The following FYB2 variants were observed in gnomAD, a reference collection of about 807,000 sequenced individuals.
FYB2 encodes the protein FYN binding protein 2.
In FYB2, 103 loss-of-function variants were observed where a neutral mutation model predicts 94.1. That is an observed-to-expected ratio of 1.09 (90% confidence interval 0.93 to 1.29). The LOEUF is 1.29. FYB2 is among the 50% of genes most tolerant of loss of function. The pLI, the probability that FYB2 is intolerant of heterozygous loss-of-function variation, is 0.00. For missense variants in FYB2, 896 were observed against 841.5 expected (o/e 1.06, Z -0.80); for synonymous variants, 293 against 287.9 (o/e 1.02, Z -0.18).
upstream of FYB2, chr1:56,819,572 T>C: frequency 7.1e-6 from 4 of 563,554 alleles, no homozygotes; most frequent in Middle Eastern, 9.5e-4. Flanking sequence ...GCCCACCTCT[T>C]CTCAGCAAGC....
At chr1:56,803,842 CTGTCCAAATTTTACTCA>C (rs1646576324) in intron 1 of FYB2, among the ~76,000 whole-genome samples, 1 of 152,212 alleles carries the variant, frequency 6.6e-6, no homozygotes, top group African/African-American at 2.4e-5. Flanking sequence ...ACGAAATCTA[CTGTCCAAATTTTACTCA>C]TTCTTCTAGG....
intron 17 of FYB2, 138 bp downstream of exon 17, chr1:56,723,450 G>T: frequency 1.9e-6 from 1 of 513,754 alleles, no homozygotes; most frequent in Non-Finnish European, 3.4e-6. Context: ...AAATAGGAAT[G>T]AAATGCTGGC....
chr1:56,737,080 T>A lies in FYB2; in HGVS notation c.1793+7A>T. On this transcript the variant is annotated splice_region_variant and intron_variant, in intron 15 of 19. Transcript: ENST00000343433. The stretch of plus-strand genomic sequence containing the variant: ...AGCAGGGATGACCAATAAGGTAAAT[T>A]ACTTACTTTGACTCTTTTTCACTCA... 1 of 1,587,790 alleles carries A rather than the reference T, an allele frequency of 6.3e-7. No individual in the cohort carries two copies. Among genetic ancestry groups the A allele is most frequent in the Non-Finnish European group, 8.6e-7 (1 of 1,158,908 alleles).
intron 15 of FYB2, among the ~76,000 whole-genome samples, chr1:56,736,048 A>T (rs990221650): frequency 2.0e-5 from 3 of 152,150 alleles, no homozygotes; most frequent in African/African-American, 7.2e-5. Flanking sequence ...TGTGTATCAA[A>T]ACATCACTAT....
At chr1:56,730,637 A>G (rs1019951120) in intron 15 of FYB2, among the ~76,000 whole-genome samples, 1 of 152,108 alleles carries the variant, frequency 6.6e-6, no homozygotes, top group Non-Finnish European at 1.5e-5. Context: ...AGATTGAATC[A>G]GTAATAAAGA....
At chr1:56,813,848 A>G (rs1215369020) in intron 1 of FYB2, among the ~76,000 whole-genome samples, 2 of 152,244 alleles carry the variant, frequency 1.3e-5, no homozygotes, top group South Asian at 2.1e-4. Context: ...ACTGGGACAC[A>G]GACAAATTAA....
At chr1:56,733,271 G>T (rs896217396) in intron 15 of FYB2, among the ~76,000 whole-genome samples, 2 of 152,098 alleles carry the variant, frequency 1.3e-5, no homozygotes, top group African/African-American at 4.8e-5. Context: ...GGGATTGGTG[G>T]TGATATCCCC....
intron 4 of FYB2, among the ~76,000 whole-genome samples, chr1:56,771,315 A>G (rs2100833555): frequency 6.6e-6 from 1 of 152,324 alleles, no homozygotes; most frequent in Admixed American, 6.5e-5. Context: ...ATATACATCA[A>G]CATAGATAGA....
intron 1 of FYB2, among the ~76,000 whole-genome samples, chr1:56,797,853 G>A (rs569775329): frequency 6.6e-6 from 1 of 152,236 alleles, no homozygotes; most frequent in East Asian, 1.9e-4. Flanking sequence ...TTTCTTTATA[G>A]CACCTATCAA....
chr1:56,814,238 A>C (rs1261436846), intron 1 of FYB2, among the ~76,000 whole-genome samples: 2 of 152,238 alleles, frequency 1.3e-5, no homozygotes, highest in African/African-American at 4.8e-5. Flanking sequence ...TATACAGGGC[A>C]GGCACCAGAG....
chr1:56,748,751 C>T lies in FYB2; in HGVS notation c.1387+2293G>A, dbSNP rs116167781. On this transcript the variant is annotated intron_variant, in intron 9 of 19. Transcript: ENST00000343433. The stretch of plus-strand genomic sequence containing the variant: ...TTCAATATTTTATAATATTTTGCTC[C>T]TTCCTCAATTTGACGTTATTTTGTT... Among the ~76,000 whole-genome samples, 748 of 151,990 alleles carry T rather than the reference C, an allele frequency of 4.9e-3. 5 individuals carry two copies. Among genetic ancestry groups the T allele is most frequent in the Non-Finnish European group, 7.5e-3 (509 of 67,924 alleles).
At chr1:56,729,422 CTGTGTGTT>C (rs1229383074) in intron 15 of FYB2, among the ~76,000 whole-genome samples, 1 of 152,078 alleles carries the variant, frequency 6.6e-6, no homozygotes, top group Non-Finnish European at 1.5e-5. Context: ...GCCTGAGCAA[CTGTGTGTT>C]TATTGAAACA....
At chr1:56,758,615 G>T (rs1645415007) in intron 6 of FYB2, 101 bp downstream of exon 6, 2 of 942,992 alleles carry the variant, frequency 2.1e-6, no homozygotes, top group Non-Finnish European at 1.5e-6. Flanking sequence ...GAGGAAAAAT[G>T]AAAACAAAGA....
chr1:56,811,464 C>T (rs142597404), intron 1 of FYB2, among the ~76,000 whole-genome samples: 4 of 152,160 alleles, frequency 2.6e-5, no homozygotes, highest in South Asian at 2.1e-4. Context: ...CAGCCCATGG[C>T]GACCCAGCTG....
chr1:56,767,080 A>G (rs1191060608), intron 5 of FYB2, among the ~76,000 whole-genome samples: 1 of 152,196 alleles, frequency 6.6e-6, no homozygotes, highest in Non-Finnish European at 1.5e-5. Context: ...AAACCACTCT[A>G]TCAGCAGGGC....
At chr1:56,766,653 G>A (rs1273203028) in intron 5 of FYB2, among the ~76,000 whole-genome samples, 1 of 152,064 alleles carries the variant, frequency 6.6e-6, no homozygotes, top group Non-Finnish European at 1.5e-5. Flanking sequence ...TAGCCAGGAT[G>A]GTCTCGATCT....
intron 5 of FYB2, among the ~76,000 whole-genome samples, chr1:56,761,461 T>C (rs1478745489): frequency 2.0e-5 from 3 of 152,212 alleles, no homozygotes; most frequent in African/African-American, 7.2e-5. Context: ...TGGAATGTTA[T>C]GCAGAAGTGT....
chr1:56,781,996 G>A (rs1172525856), intron 4 of FYB2, among the ~76,000 whole-genome samples: 1 of 152,000 alleles, frequency 6.6e-6, no homozygotes, highest in East Asian at 1.9e-4. Flanking sequence ...TTCTTTGATC[G>A]ATTTATAGTA....
At chr1:56,802,965 T>C (rs1646555443) in intron 1 of FYB2, among the ~76,000 whole-genome samples, 1 of 152,142 alleles carries the variant, frequency 6.6e-6, no homozygotes, top group African/African-American at 2.4e-5. Flanking sequence ...CTCTATAAAA[T>C]CTCTTCCATC....
Sources: allele counts gnomAD v4.1 joint callset (sites outside exome capture counted in the v4.1 genomes callset), GRCh38; gene constraint gnomAD v4.1.1; transcripts MANE v1.5; gene names NCBI Gene and HGNC (gene_info 2026-07-23, HGNC 2026-07-21).